The following CACHD1 variants were observed in gnomAD, a reference collection of about 807,000 sequenced individuals.
The protein encoded by CACHD1 is cache domain containing 1.
CACHD1 carries 71 observed loss-of-function variants against 138.7 expected under a neutral mutation model. That is an observed-to-expected ratio of 0.51 (90% CI 0.42 to 0.62). CACHD1 has a LOEUF of 0.62. Ranked by LOEUF, CACHD1 falls within the 20% of genes least tolerant of loss-of-function variation. The pLI, the probability that CACHD1 is intolerant of heterozygous loss-of-function variation, is 0.00. For missense variants in CACHD1, 1,389 were observed against 1,625.3 expected (o/e 0.85, Z 2.50); for synonymous variants, 578 against 591.5 (o/e 0.98, Z 0.33).
chr1:64,675,207 A>G (rs772829437), intron 19 of CACHD1, among the ~76,000 whole-genome samples, 194 bp from the exon 20 acceptor site: 4 of 152,212 alleles, frequency 2.6e-5, no homozygotes, highest in South Asian at 2.1e-4. Flanking sequence ...AATGGGAGAT[A>G]TCTCTGATTA....
intron 1 of CACHD1, among the ~76,000 whole-genome samples, chr1:64,536,207 T>C (rs1646631566): frequency 6.6e-6 from 1 of 152,144 alleles, no homozygotes; most frequent in Non-Finnish European, 1.5e-5. Context: ...TCCCCAAACA[T>C]AGATTTATTA....
chr1:64,473,646 C>T (rs1214141349), intron 1 of CACHD1, among the ~76,000 whole-genome samples: 1 of 152,160 alleles, frequency 6.6e-6, no homozygotes, highest in Non-Finnish European at 1.5e-5. Flanking sequence ...TGACTCCTTT[C>T]ATTTGACCTT....
At chr1:64,684,337 C>CTT (rs948667694) in intron 26 of CACHD1, among the ~76,000 whole-genome samples, 6 of 75,590 alleles carry the variant, frequency 7.9e-5, no homozygotes, top group African/African-American at 1.6e-4. Flanking sequence ...CGTGGATTTT[C>CTT]TTTGTTTTTT....
intron 16 of CACHD1, among the ~76,000 whole-genome samples, chr1:64,668,663 G>A: frequency 6.6e-6 from 1 of 152,264 alleles, no homozygotes; most frequent in East Asian, 1.9e-4. Context: ...GTCACTCAGT[G>A]AGTGTATATT....
chr1:64,480,822 AT>A (rs762436843), intron 1 of CACHD1, among the ~76,000 whole-genome samples: 12 of 151,452 alleles, frequency 7.9e-5, no homozygotes, highest in Admixed American at 2.6e-4. Flanking sequence ...ATTGGATTTT[AT>A]GACCTACATC....
intron 4 of CACHD1, among the ~76,000 whole-genome samples, chr1:64,628,099 G>T (rs763664124): frequency 6.6e-6 from 1 of 152,174 alleles, no homozygotes; most frequent in East Asian, 1.9e-4. Context: ...TAAATATCCT[G>T]TGTGAAAGCT....
chr1:64,483,321 T>C (rs1322688882), intron 1 of CACHD1, among the ~76,000 whole-genome samples: 1 of 152,190 alleles, frequency 6.6e-6, no homozygotes, highest in Non-Finnish European at 1.5e-5. Flanking sequence ...TCCTAGAGGT[T>C]AGACTTCATT....
At chr1:64,555,271 T>C (rs1646788875) in intron 2 of CACHD1, among the ~76,000 whole-genome samples, 1 of 152,216 alleles carries the variant, frequency 6.6e-6, no homozygotes, top group South Asian at 2.1e-4. Flanking sequence ...ATTACAGGCA[T>C]GAGCCACTGC....
At chr1:64,477,625 T>TTTA (rs1557455074) in intron 1 of CACHD1, among the ~76,000 whole-genome samples, 17 of 125,728 alleles carry the variant, frequency 1.4e-4, no homozygotes, top group African/African-American at 5.9e-4. Flanking sequence ...ATTATTATTA[T>TTTA]TTTATTTTAT....
At chr1:64,479,746 CTG>C (rs1319133672) in intron 1 of CACHD1, among the ~76,000 whole-genome samples, 1 of 152,152 alleles carries the variant, frequency 6.6e-6, no homozygotes, top group African/African-American at 2.4e-5. Flanking sequence ...GGCCAGTATG[CTG>C]TTTTTCTCCC....
chr1:64,597,763 A>AT (rs1274722836), intron 3 of CACHD1, among the ~76,000 whole-genome samples: 4 of 151,934 alleles, frequency 2.6e-5, no homozygotes, highest in African/African-American at 9.7e-5. Flanking sequence ...TTGCCCATTC[A>AT]TTTTGTATGA....
intron 2 of CACHD1, chr1:64,563,618 G>C (rs1442823373): frequency 6.6e-6 from 1 of 152,150 alleles, no homozygotes; most frequent in Non-Finnish European, 1.5e-5. Flanking sequence ...TATGTGCCCC[G>C]ATGTGAATCA....
chr1:64,642,799 C>T (rs551101174), intron 8 of CACHD1, among the ~76,000 whole-genome samples: 11 of 150,734 alleles, frequency 7.3e-5, no homozygotes, highest in Non-Finnish European at 1.5e-4. Context: ...AATCCCAACA[C>T]TTTGTGAGGT....
rs539058064 is a variant in CACHD1 at position 64,602,956 on chromosome 1, G to A, written c.517+44G>A. Reference sequence around the variant, plus strand: ...TTATAAAGATGAACTGTATTCTACTGCATTCAAGTTGAATAAACATATTGC... The same window carrying A: ...TTATAAAGATGAACTGTATTCTACTACATTCAAGTTGAATAAACATATTGC... On this transcript the variant is annotated intron_variant, in intron 4 of 26. Transcript: ENST00000651257. The A allele has an allele frequency of 2.5e-4, 305 of 1,198,064 alleles. 2 individuals are homozygous for A. In the African/African-American group the frequency reaches 4.0e-3, roughly 16 times the overall value. 74.2% of individuals were successfully genotyped at this position (1,198,064 alleles called of 1,614,324 possible). A position where few individuals can be genotyped will look rare whatever the true frequency, so the allele number is the denominator to read the frequency against.
At chr1:64,534,964 T>G (rs576241919) in intron 1 of CACHD1, among the ~76,000 whole-genome samples, 4 of 152,242 alleles carry the variant, frequency 2.6e-5, no homozygotes, top group African/African-American at 9.6e-5. Context: ...TGCTTTGTCA[T>G]GCATTCTGCC....
At chr1:64,574,544 C>T (rs934104312) in intron 2 of CACHD1, among the ~76,000 whole-genome samples, 17 of 152,188 alleles carry the variant, frequency 1.1e-4, no homozygotes, top group African/African-American at 3.9e-4. Flanking sequence ...GTTGACTACT[C>T]ACCCTTCTCC....
At chr1:64,630,022 G>A (rs1341734347) in intron 5 of CACHD1, among the ~76,000 whole-genome samples, 1 of 152,160 alleles carries the variant, frequency 6.6e-6, no homozygotes, top group East Asian at 1.9e-4. Flanking sequence ...CTACCATGTA[G>A]CCAGAAGGGC....
At chr1:64,473,614 T>C (rs1557453573) in intron 1 of CACHD1, among the ~76,000 whole-genome samples, 1 of 152,230 alleles carries the variant, frequency 6.6e-6, no homozygotes, top group Non-Finnish European at 1.5e-5. Flanking sequence ...TGGAAAAGAA[T>C]GTCTTCCCTT....
chr1:64,541,144 A>G (rs1646674138), intron 1 of CACHD1, among the ~76,000 whole-genome samples: 1 of 152,248 alleles, frequency 6.6e-6, no homozygotes, highest in Admixed American at 6.5e-5. Context: ...TGTTTTTGCT[A>G]GCTGGTTGAG....
Sources: allele counts gnomAD v4.1 joint callset (sites outside exome capture counted in the v4.1 genomes callset), GRCh38; gene constraint gnomAD v4.1.1; transcripts MANE v1.5; gene names NCBI Gene and HGNC (gene_info 2026-07-23, HGNC 2026-07-21).